AKT1S1: variants seen among roughly 807,000 people sequenced by gnomAD.
AKT1S1 encodes the protein proline-rich AKT1 substrate 1.
AKT1S1 carries 17 observed loss-of-function variants against 21.2 expected under a neutral mutation model. That is an observed-to-expected ratio of 0.80 (90% CI 0.55 to 1.20). The LOEUF is 1.20. AKT1S1 is among the 50% of genes most tolerant of loss of function. The pLI is 0.00. For synonymous variants in AKT1S1, 181 were observed against 165.6 expected (o/e 1.09, Z -0.72); for missense variants, 366 against 368.3 (o/e 0.99, Z 0.05).
Position 49,869,762 on chromosome 19 carries a change from G to T in AKT1S1, c.*155C>A. The T allele has an allele frequency of 1.1e-6, 1 of 919,198 alleles. No homozygotes were observed. The highest frequency in any genetic ancestry group is 1.5e-6 in the Non-Finnish European group (1 of 662,044). The allele number at this position is 919,198 out of a possible 1,614,324, so 56.9% of individuals were successfully genotyped here. Reference sequence around the variant, plus strand: ...GGCGCGGCAGGTCGTGGGCTGGAAGGACGGCGGGGATTGGCAGAGGCGGGA... The same window carrying T: ...GGCGCGGCAGGTCGTGGGCTGGAAGTACGGCGGGGATTGGCAGAGGCGGGA... On this transcript the variant is annotated 3_prime_UTR_variant, in exon 5 of 5. Coordinates refer to ENST00000344175, the MANE Select transcript of AKT1S1 (RefSeq NM_001098633.4).
chr19:49,872,866 G>A (rs1048992783), intron 2 of AKT1S1, 51 bp downstream of exon 2: 6 of 1,556,380 alleles, frequency 3.9e-6, no homozygotes, highest in East Asian at 2.3e-5. Flanking sequence ...AAAGCCTCCT[G>A]CGGGCACCTC....
chr19:49,877,961 C>G (rs536669729), upstream of AKT1S1: 3 of 721,806 alleles, frequency 4.2e-6, no homozygotes, highest in East Asian at 2.8e-5. Context: ...AGCCCTGCCC[C>G]CTGTGGAACG....
At position 49,873,101 on chromosome 19, in the gene AKT1S1, G is replaced by T; in HGVS notation, c.195C>A (p.Ile65=). Residue 65 remains isoleucine, a synonymous_variant, in exon 2 of 5, where the codon ATC becomes ATA. Transcript: ENST00000344175. This position sits in a 1 kb window ranked among gnomAD's most constrained non-coding sequence, Gnocchi z 6.9. ...AEAARRCLHD[I]ALAHRAATAA... is the part of the protein sequence containing the mutation. ...CAGTGGCAGCCCTGTGGGCCAGTGC[G>T]ATGTCGTGGAGGCAACGGCGCGCTG... 6.5e-7 allele frequency: 1 copy of T among 1,547,846 alleles called. No individual in the cohort carries two copies. Among genetic ancestry groups the T allele is most frequent in the South Asian group, 1.2e-5 (1 of 84,396 alleles).
chr19:49,877,468 C>G, upstream of AKT1S1: 1 of 504,154 alleles, frequency 2.0e-6, no homozygotes, highest in Non-Finnish European at 3.5e-6. Context: ...TACTTCGTGG[C>G]GAGAGGGCGA....
intron 1 of AKT1S1, chr19:49,874,951 C>T (rs1005248115): frequency 6.6e-6 from 1 of 152,258 alleles, no homozygotes; most frequent in Non-Finnish European, 1.5e-5. Context: ...GGATTCCACA[C>T]CTGGCATCTC....
In AKT1S1 at chr19:49,870,041, T is replaced by C; in HGVS notation, c.647A>G (p.Asp216Gly). The change falls in exon 5 of 5, where the codon GAC (aspartate) becomes GGC (glycine). Residue 216 changes from aspartate (D) to glycine (G), a missense_variant. Transcript: ENST00000344175. ...CGCGCGCATGCTCGCCGCGATGCGG[T>C]CCAGGTCGGGCGAAGAGGGCTGCGG... is the stretch of plus-strand genomic sequence containing the variant. ...ENGPPSSPDL[D>G]RIAASMRALV... 6.4e-7 allele frequency: 1 copy of C among 1,551,994 alleles called. No homozygotes were observed. Among genetic ancestry groups the C allele is most frequent in the Non-Finnish European group, 8.7e-7 (1 of 1,146,830 alleles).
chr19:49,873,375 G>T lies in AKT1S1; in HGVS notation c.-7-73C>A, dbSNP rs981722289. The T allele has an allele frequency of 3.6e-6, 5 of 1,377,456 alleles. No individual in the cohort carries two copies. The highest frequency in any genetic ancestry group is 1.6e-5 in the South Asian group (1 of 62,256). The allele number at this position is 1,377,456 out of a possible 1,614,324, so 85.3% of individuals were successfully genotyped here. On this transcript the variant is annotated intron_variant, in intron 1 of 4. Transcript: ENST00000344175. This position sits in a 1 kb window ranked among gnomAD's most constrained non-coding sequence, Gnocchi z 6.9. ...TCATCGCCACCCACTCAGAGTGCCC[G>T]CCCGTCCCCTGGATGGCACTCACCA... is the stretch of plus-strand genomic sequence containing the variant.
upstream of AKT1S1, chr19:49,877,526 G>A (rs1468328099): frequency 9.0e-6 from 5 of 557,922 alleles, no homozygotes; most frequent in African/African-American, 5.8e-5. Context: ...TTCAGCGTCT[G>A]CGCCACGTGA....
intron 2 of AKT1S1, among the ~76,000 whole-genome samples, chr19:49,872,117 G>A (rs745799103): frequency 1.3e-5 from 2 of 152,090 alleles, no homozygotes; most frequent in Non-Finnish European, 1.5e-5. Context: ...TGCACACAAC[G>A]GGCTGCTAAC....
rs1034715686 is a variant in AKT1S1, at chr19:49,869,915, C to T, written c.*2G>A. The T allele has an allele frequency of 4.6e-6, 7 of 1,513,898 alleles. No homozygotes were observed. The highest frequency in any genetic ancestry group is 6.2e-6 in the Non-Finnish European group (7 of 1,121,990). The allele number at this position is 1,513,898 out of a possible 1,614,324, so 93.8% of individuals were successfully genotyped here. A position where few individuals can be genotyped will look rare whatever the true frequency, so the allele number is the denominator to read the frequency against. Reference sequence around the variant, plus strand: ...CGGCCCGGGGCGCTCCCTCCCTGGACTTCAATATTTCCGCTTCAGCTTCTG... The same window carrying T: ...CGGCCCGGGGCGCTCCCTCCCTGGATTTCAATATTTCCGCTTCAGCTTCTG... On this transcript the variant is annotated 3_prime_UTR_variant, in exon 5 of 5. Transcript: ENST00000344175.
At position 49,872,969 on chromosome 19, in the gene AKT1S1, C is replaced by T; in HGVS notation, c.327G>A (p.Glu109=). The T allele has an allele frequency of 3.1e-6, 5 of 1,603,378 alleles. No homozygotes were observed. Among genetic ancestry groups the T allele is most frequent in the African/African-American group, 1.3e-5 (1 of 74,876 alleles). ...AREDNEEDED[E]PTETETSGEQ... is the part of the protein sequence containing the mutation. The stretch of plus-strand genomic sequence containing the variant: ...CCCCGGAGGTCTCTGTCTCTGTGGG[C>T]TCATCCTCGTCCTCCTCGTTGTCCT... The change falls in exon 2 of 5, where the codon GAG becomes GAA. Residue 109 remains glutamate (E), a synonymous_variant. Coordinates refer to ENST00000344175, the MANE Select transcript of AKT1S1 (RefSeq NM_001098633.4).
chr19:49,872,778 G>T, intron 2 of AKT1S1, 139 bp downstream of exon 2: 1 of 1,062,772 alleles, frequency 9.4e-7, no homozygotes, highest in Non-Finnish European at 1.3e-6. Context: ...CAAGCCCCAG[G>T]CAAGCCTGTC....
chr19:49,871,052 T>G (rs2074878032), intron 4 of AKT1S1, among the ~76,000 whole-genome samples: 1 of 152,158 alleles, frequency 6.6e-6, no homozygotes, highest in Non-Finnish European at 1.5e-5. Flanking sequence ...GTCCCCTCAG[T>G]GCCTCAGTTT....
intron 4 of AKT1S1, among the ~76,000 whole-genome samples, chr19:49,870,809 A>C (rs1038744434): frequency 6.6e-6 from 1 of 152,234 alleles, no homozygotes; most frequent in African/African-American, 2.4e-5. Context: ...AGAGAGCAGC[A>C]GCAGGTGGAC....
In AKT1S1 at chr19:49,873,498, G is replaced by T. The variant is rs1206293088; in HGVS notation, c.-7-196C>A. 3.8e-6 allele frequency: 4 copies of T among 1,059,422 alleles called. No individual in the cohort carries two copies. Among genetic ancestry groups the T allele is most frequent in the African/African-American group, 1.7e-5 (1 of 58,816 alleles). The allele number at this position is 1,059,422 out of a possible 1,614,324, so 65.6% of individuals were successfully genotyped here. On this transcript the variant is annotated intron_variant, in intron 1 of 4. Transcript: ENST00000344175. This position sits in a 1 kb window ranked among gnomAD's most constrained non-coding sequence, Gnocchi z 6.9. ...CCAGTCCTCGCAGGCCCAGACCCTGGCGACGTCCTCTGCCCCAACCCATTC... is the reference window on the plus strand; with the variant it reads ...CCAGTCCTCGCAGGCCCAGACCCTGTCGACGTCCTCTGCCCCAACCCATTC...
Position 49,872,850 on chromosome 19 carries a change from C to T in AKT1S1, c.379+67G>A. The T allele has an allele frequency of 2.0e-6, 3 of 1,520,124 alleles. No homozygotes were observed. The South Asian group carries it at 3.7e-5, about 19-fold the overall frequency. 94.2% of individuals were successfully genotyped at this position (1,520,124 alleles called of 1,614,324 possible). ...TACTCTGGGCTAAGCAGGCCCCCACCCCGACAAAGCCTCCTGCGGGCACCT... is the reference window on the plus strand; with the variant it reads ...TACTCTGGGCTAAGCAGGCCCCCACTCCGACAAAGCCTCCTGCGGGCACCT... On this transcript the variant is annotated intron_variant, in intron 2 of 4. Transcript: ENST00000344175.
At position 49,869,819 on chromosome 19, in the gene AKT1S1, G is replaced by C; in HGVS notation, c.*98C>G. 3 of 1,243,900 alleles carry C rather than the reference G, an allele frequency of 2.4e-6. No individual in the cohort carries two copies. Among genetic ancestry groups the C allele is most frequent in the Middle Eastern group, 2.5e-4 (1 of 3,982 alleles). The allele number at this position is 1,243,900 out of a possible 1,614,324, so 77.1% of individuals were successfully genotyped here. A position where few individuals can be genotyped will look rare whatever the true frequency, so the allele number is the denominator to read the frequency against. On this transcript the variant is annotated 3_prime_UTR_variant, in exon 5 of 5. Coordinates refer to ENST00000344175, the MANE Select transcript of AKT1S1 (RefSeq NM_001098633.4). ...TGGGAATGGGAGACGCAAGGAGGCC[G>C]GTCCCGGATCGGCCTCAGATTAGCA...
intron 1 of AKT1S1, chr19:49,875,839 C>T: frequency 1.0e-6 from 1 of 985,436 alleles, no homozygotes; most frequent in Non-Finnish European, 1.2e-6. Context: ...TGCTACCCAA[C>T]AGGAGAGTAG....
chr19:49,878,307 C>T (rs2122416766), upstream of AKT1S1: 1 of 1,464,180 alleles, frequency 6.8e-7, no homozygotes, highest in Non-Finnish European at 9.3e-7. Flanking sequence ...GGGATGCAGG[C>T]GGCAGCTGTA....
Sources: allele counts gnomAD v4.1 joint callset (sites outside exome capture counted in the v4.1 genomes callset), GRCh38; gene constraint gnomAD v4.1.1; non-coding constraint Gnocchi (gnomAD v3.1); transcripts MANE v1.5; gene names NCBI Gene and HGNC (gene_info 2026-07-23, HGNC 2026-07-21).